Variants in AIG1 observed in about 807,000 individuals in gnomAD.
AIG1 encodes androgen-induced gene 1 protein.
In AIG1, 23 loss-of-function variants were observed where a neutral mutation model predicts 31.4. The ratio of observed to expected loss-of-function variants is 0.73; its 90% CI spans 0.53 to 1.04. AIG1 has a LOEUF of 1.04. Ranked by LOEUF, AIG1 falls within the 50% of genes least tolerant of loss-of-function variation. AIG1 has a pLI of 0.00. For synonymous variants in AIG1, 100 were observed against 110.5 expected (o/e 0.90, Z 0.60); for missense variants, 274 against 295.0 (o/e 0.93, Z 0.52).
At chr6:143,174,977 T>C (rs1042643605) in intron 3 of AIG1, among the ~76,000 whole-genome samples, 14 of 152,248 alleles carry the variant, frequency 9.2e-5, no homozygotes, top group Admixed American at 9.2e-4. Flanking sequence ...TAGAGCTCCT[T>C]TTAGCAGTTC....
At chr6:143,140,209 C>T (rs1784130914) in intron 2 of AIG1, among the ~76,000 whole-genome samples, 1 of 152,154 alleles carries the variant, frequency 6.6e-6, no homozygotes, top group African/African-American at 2.4e-5. Flanking sequence ...GAAAAACTCG[C>T]CCCCATGATT....
intron 3 of AIG1, among the ~76,000 whole-genome samples, chr6:143,176,418 T>C (rs950048952): frequency 6.6e-6 from 1 of 152,106 alleles, no homozygotes; most frequent in Non-Finnish European, 1.5e-5. Context: ...TCTCAAGAGA[T>C]TGTTTTTTGT....
intron 5 of AIG1, among the ~76,000 whole-genome samples, chr6:143,337,611 T>C (rs1187583731): frequency 1.3e-5 from 2 of 152,104 alleles, no homozygotes; most frequent in Non-Finnish European, 2.9e-5. Flanking sequence ...CAGAAATGAG[T>C]CTTTTCAAAA....
rs1019228004 is a variant in AIG1 at position 143,279,135 on chromosome 6, T to C, written c.400-4975T>C. Among the ~76,000 whole-genome samples the C allele has an allele frequency of 3.3e-5, 5 of 152,232 alleles. No individual in the cohort carries two copies. The highest frequency in any genetic ancestry group is 1.2e-4 in the African/African-American group (5 of 41,466). On this transcript the variant is annotated intron_variant, in intron 3 of 5. Coordinates refer to ENST00000357847, the MANE Select transcript of AIG1 (RefSeq NM_016108.4). This position sits in a 1 kb window ranked among gnomAD's most constrained non-coding sequence, Gnocchi z 5.4. ...ATGATGTTTTATGACAGCATTGGTATACAGATGAATATAATCTTCAACTCT... is the reference window on the plus strand; with the variant it reads ...ATGATGTTTTATGACAGCATTGGTACACAGATGAATATAATCTTCAACTCT...
chr6:143,107,482 T>G (rs1452259218), intron 1 of AIG1, among the ~76,000 whole-genome samples: 1 of 152,170 alleles, frequency 6.6e-6, no homozygotes, highest in Admixed American at 6.5e-5. Context: ...ACTGAGATAT[T>G]TTTAAACTAT....
chr6:143,310,163 A>C (rs1244302064), intron 4 of AIG1, among the ~76,000 whole-genome samples: 2 of 151,928 alleles, frequency 1.3e-5, no homozygotes, highest in Non-Finnish European at 2.9e-5. Flanking sequence ...CATCTATAGA[A>C]TATTTTATTC....
intron 3 of AIG1, among the ~76,000 whole-genome samples, chr6:143,244,040 G>A (rs1009013304): frequency 3.3e-5 from 5 of 152,176 alleles, no homozygotes; most frequent in African/African-American, 7.2e-5. Flanking sequence ...CACTAGTAAC[G>A]CAAAGATGAG....
At chr6:143,152,283 G>A (rs1305070261) in intron 2 of AIG1, among the ~76,000 whole-genome samples, 3 of 152,198 alleles carry the variant, frequency 2.0e-5, no homozygotes, top group Non-Finnish European at 4.4e-5. Context: ...TAACTGAGAT[G>A]TGTTTAGCTG....
intron 4 of AIG1, among the ~76,000 whole-genome samples, chr6:143,318,079 A>C (rs562811470): frequency 6.6e-6 from 1 of 152,314 alleles, no homozygotes; most frequent in Non-Finnish European, 1.5e-5. Context: ...TGCCAAAAGC[A>C]ATCTATAAAT....
intron 4 of AIG1, among the ~76,000 whole-genome samples, chr6:143,309,646 A>T (rs1052125425): frequency 6.6e-6 from 1 of 152,040 alleles, no homozygotes; most frequent in Non-Finnish European, 1.5e-5. Context: ...TAATCCAGCT[A>T]TATCAATAAT....
At chr6:143,144,177 A>G in intron 2 of AIG1, among the ~76,000 whole-genome samples, 1 of 152,236 alleles carries the variant, frequency 6.6e-6, no homozygotes, top group Non-Finnish European at 1.5e-5. Flanking sequence ...CATTAACAAA[A>G]TTTCACATAG....
chr6:143,225,799 G>A (rs938587029), intron 3 of AIG1, among the ~76,000 whole-genome samples: 1 of 152,106 alleles, frequency 6.6e-6, no homozygotes, highest in Non-Finnish European at 1.5e-5. Context: ...AAACTGTATG[G>A]GGCAACTTTG....
intron 4 of AIG1, among the ~76,000 whole-genome samples, chr6:143,318,720 A>G (rs1451139868): frequency 1.3e-5 from 2 of 152,114 alleles, no homozygotes; most frequent in African/African-American, 2.4e-5. Flanking sequence ...AATCTTCACA[A>G]TCTGTACATC....
intron 4 of AIG1, among the ~76,000 whole-genome samples, chr6:143,307,586 G>C (rs939974229): frequency 5.3e-5 from 8 of 152,202 alleles, no homozygotes; most frequent in Non-Finnish European, 8.8e-5. Context: ...GTACCTGGCA[G>C]TGTGAGGTGT....
intron 3 of AIG1, among the ~76,000 whole-genome samples, chr6:143,192,845 A>G (rs1389642985): frequency 6.6e-6 from 1 of 152,238 alleles, no homozygotes; most frequent in Non-Finnish European, 1.5e-5. Context: ...ACAAATTTAC[A>G]AGGAATAATG....
chr6:143,258,720 GA>G lies in AIG1; in HGVS notation c.400-25384del, dbSNP rs199722014. Among the ~76,000 whole-genome samples, 1,563 of 152,228 alleles carry G rather than the reference GA, an allele frequency of 0.01. 44 individuals carry two copies. The highest frequency in any genetic ancestry group is 0.065 in the East Asian group (335 of 5,168). Reference sequence around the variant, plus strand: ...TGAAAATAATTTGAGGAACAATTGTGAAAAAAGTCTTATATTCTAGACCCAC... The same window carrying G: ...TGAAAATAATTTGAGGAACAATTGTGAAAAAGTCTTATATTCTAGACCCAC... On this transcript the variant is annotated intron_variant, in intron 3 of 5. Transcript: ENST00000357847. This position sits in a 1 kb window ranked among gnomAD's most constrained non-coding sequence, Gnocchi z 4.7.
At chr6:143,225,298 G>A (rs985455130) in intron 3 of AIG1, among the ~76,000 whole-genome samples, 1 of 152,072 alleles carries the variant, frequency 6.6e-6, no homozygotes, top group African/African-American at 2.4e-5. Flanking sequence ...TAGTTGATCA[G>A]GTTCATGTCT....
intron 4 of AIG1, among the ~76,000 whole-genome samples, chr6:143,286,944 C>A (rs972758289): frequency 6.6e-6 from 1 of 151,838 alleles, no homozygotes; most frequent in African/African-American, 2.4e-5. Context: ...CTCCCATTCT[C>A]GGTGGTTCTG....
At chr6:143,226,568 G>T (rs983774830) in intron 3 of AIG1, among the ~76,000 whole-genome samples, 12 of 152,074 alleles carry the variant, frequency 7.9e-5, no homozygotes, top group Admixed American at 3.9e-4. Context: ...TAATTCAAGA[G>T]ATCTTTTTCT....
Sources: allele counts gnomAD v4.1 joint callset (sites outside exome capture counted in the v4.1 genomes callset), GRCh38; gene constraint gnomAD v4.1.1; non-coding constraint Gnocchi (gnomAD v3.1); transcripts MANE v1.5; gene names NCBI Gene and HGNC (gene_info 2026-07-23, HGNC 2026-07-21).